The following FGD6 variants were observed in gnomAD, a reference collection of about 807,000 sequenced individuals.
FGD6 encodes FYVE, RhoGEF and PH domain containing 6, also known as FYVE, RhoGEF and PH domain-containing protein 6.
Under a neutral mutation model 149.4 loss-of-function variants are expected in FGD6, and 90 were observed. The ratio of observed to expected loss-of-function variants is 0.60; its 90% confidence interval spans 0.51 to 0.72. The LOEUF (loss-of-function observed/expected upper bound fraction) is 0.72, where lower values mean the gene tolerates loss of function less well. Among genes scored for constraint, FGD6 ranks in the 30% least tolerant of loss-of-function variants. FGD6 has a pLI of 0.00. For missense variants in FGD6, 1,437 were observed against 1,684.8 expected (o/e 0.85, Z 2.57); for synonymous variants, 527 against 584.0 (o/e 0.90, Z 1.41).
Position 95,095,510 on chromosome 12 carries a change from G to C in FGD6, c.3498-816C>G, listed in dbSNP as rs181342390. On this transcript the variant is annotated intron_variant, in intron 14 of 20. Coordinates refer to ENST00000343958, the MANE Select transcript of FGD6 (RefSeq NM_018351.4). ...ATTTAAAACTGAGAGGCACATGTTA[G>C]GTATTATAAATAAAAATAAATATAT... Among the ~76,000 whole-genome samples, 7 of 151,626 alleles carry C rather than the reference G, an allele frequency of 4.6e-5. No homozygotes were observed. In the East Asian group the frequency reaches 1.4e-3, roughly 29 times the overall value.
At chr12:95,084,463 C>G in intron 20 of FGD6, 35 bp downstream of exon 20, 1 of 1,483,808 alleles carries the variant, frequency 6.7e-7, no homozygotes, top group Non-Finnish European at 8.9e-7. Context: ...ACTGAAATCT[C>G]ATGAATAAAA....
chr12:95,089,800 A>C, intron 17 of FGD6, 104 bp from the exon 18 acceptor site: 1 of 1,425,460 alleles, frequency 7.0e-7, no homozygotes, highest in Admixed American at 2.0e-5. Context: ...ATGGAAGGAC[A>C]CTAAGAAACA....
At chr12:95,113,597 CCCTA>C (rs1878908339) in intron 9 of FGD6, 50 bp downstream of exon 9, 1 of 1,302,288 alleles carries the variant, frequency 7.7e-7, no homozygotes, top group Non-Finnish European at 1.1e-6. Flanking sequence ...TACTTTCTAG[CCCTA>C]CCTAAATAAA....
chr12:95,121,464 G>GATATATATAT (rs367593135), intron 8 of FGD6, among the ~76,000 whole-genome samples: 5 of 71,300 alleles, frequency 7.0e-5, no homozygotes, highest in African/African-American at 2.8e-4. Flanking sequence ...AAAAAAAAAA[G>GATATATATAT]ATATATATAT....
intron 8 of FGD6, among the ~76,000 whole-genome samples, chr12:95,129,035 G>A (rs1327024190): frequency 6.6e-6 from 1 of 152,106 alleles, no homozygotes; most frequent in Non-Finnish European, 1.5e-5. Flanking sequence ...TACATGGAGG[G>A]GTGATAAGAG....
chr12:95,144,988 C>CTTTTTTTT lies in FGD6; in HGVS notation c.2686-3457_2686-3450dup, dbSNP rs34338776. ...ACAGGCGTGAGCCACCGCACCCGGC[C>CTTTTTTTT]TTTTTTTTTTTTTTTTTTGCGACAG... On this transcript the variant is annotated intron_variant, in intron 5 of 20. Transcript: ENST00000343958. Among the ~76,000 whole-genome samples the CTTTTTTTT allele has an allele frequency of 4.7e-4, 46 of 98,852 alleles. 3 individuals carry two copies. Among genetic ancestry groups the CTTTTTTTT allele is most frequent in the African/African-American group, 9.9e-4 (24 of 24,280 alleles). 64.9% of individuals were successfully genotyped at this position (98,852 alleles called of 152,430 possible).
In FGD6 at chr12:95,137,642, C is replaced by A. The variant is rs759191228; in HGVS notation, c.2874G>T (p.Lys958Asn). The change falls in exon 7 of 21, where the codon AAG becomes AAT. Residue 958 changes from lysine to asparagine, a missense_variant. By Grantham distance (94) the Lys-to-Asn change is moderately conservative. Coordinates refer to ENST00000343958, the MANE Select transcript of FGD6 (RefSeq NM_018351.4). Reference sequence around the variant, plus strand: ...AATACATTTTTAGATATGGTCCCTTCTTTACAAAGATATCAGCAATTCTTT... The same window carrying A: ...AATACATTTTTAGATATGGTCCCTTATTTACAAAGATATCAGCAATTCTTT... The part of the protein sequence containing the change: ...EQQRIADIFV[K>N]KGPYLKMYST... 17 of 1,608,860 alleles carry A rather than the reference C, an allele frequency of 1.1e-5. No individual in the cohort carries two copies. The South Asian group carries it at 1.2e-4, about 12-fold the overall frequency.
At chr12:95,199,730 G>C (rs557655566) in intron 2 of FGD6, among the ~76,000 whole-genome samples, 1 of 150,238 alleles carries the variant, frequency 6.7e-6, no homozygotes, top group East Asian at 2.0e-4. Flanking sequence ...TCAGCCTCCT[G>C]AGTAGCTGGG....
At chr12:95,107,468 G>T in intron 12 of FGD6, 95 bp downstream of exon 12, 1 of 1,161,264 alleles carries the variant, frequency 8.6e-7, no homozygotes, top group Non-Finnish European at 1.3e-6. Context: ...GCTGATATTT[G>T]AAGGTGCTAA....
intron 14 of FGD6, among the ~76,000 whole-genome samples, chr12:95,098,933 G>A (rs1304088888): frequency 6.8e-6 from 1 of 148,020 alleles, no homozygotes; most frequent in African/African-American, 2.5e-5. Flanking sequence ...GTAGTGGTGC[G>A]ATCTCGGCTC....
intron 18 of FGD6, among the ~76,000 whole-genome samples, chr12:95,089,212 G>A (rs929125283): frequency 5.9e-5 from 9 of 152,296 alleles, no homozygotes; most frequent in African/African-American, 2.2e-4. Flanking sequence ...CAAATAAACC[G>A]TGCAGATCAC....
At chr12:95,183,345 C>T (rs776802186) in intron 2 of FGD6, among the ~76,000 whole-genome samples, 1 of 152,216 alleles carries the variant, frequency 6.6e-6, no homozygotes, top group Non-Finnish European at 1.5e-5. Flanking sequence ...CTCTTGTATA[C>T]AGCCTGCCTC....
At chr12:95,168,389 C>T (rs941193301) in intron 3 of FGD6, among the ~76,000 whole-genome samples, 4 of 152,172 alleles carry the variant, frequency 2.6e-5, no homozygotes, top group East Asian at 1.9e-4. Context: ...AGCAGCCAGG[C>T]GCGGTGGATC....
chr12:95,089,545 T>A (rs1449166670), intron 18 of FGD6, 24 bp downstream of exon 18: 2 of 1,611,134 alleles, frequency 1.2e-6, no homozygotes, highest in Admixed American at 3.4e-5. Context: ...TCTATCACAT[T>A]GCAAATTTAA....
chr12:95,100,112 C>G (rs1289479700), intron 14 of FGD6, among the ~76,000 whole-genome samples: 1 of 148,996 alleles, frequency 6.7e-6, no homozygotes, highest in Non-Finnish European at 1.5e-5. Context: ...ATCTGCTCAG[C>G]CTACTTTATT....
chr12:95,102,978 T>G, intron 14 of FGD6, among the ~76,000 whole-genome samples: 1 of 152,192 alleles, frequency 6.6e-6, no homozygotes, highest in Non-Finnish European at 1.5e-5. Context: ...ACATGAGCAC[T>G]GTGACTGATG....
chr12:95,121,767 T>G (rs184993643), intron 8 of FGD6, among the ~76,000 whole-genome samples: 2 of 152,158 alleles, frequency 1.3e-5, no homozygotes, highest in Non-Finnish European at 2.9e-5. Context: ...GGGATTCTCC[T>G]GCCTCAGCCT....
intron 8 of FGD6, among the ~76,000 whole-genome samples, chr12:95,118,734 T>TA (rs1879098903): frequency 6.6e-6 from 1 of 152,182 alleles, no homozygotes; most frequent in Non-Finnish European, 1.5e-5. Context: ...CCTCCATAAA[T>TA]ATGTAGTGGG....
intron 5 of FGD6, among the ~76,000 whole-genome samples, chr12:95,149,950 T>C (rs890140604): frequency 2.0e-5 from 3 of 146,510 alleles, no homozygotes; most frequent in Non-Finnish European, 4.5e-5. Context: ...ATATACTACA[T>C]ATCATACTAT....
Sources: gnomAD v4.1 joint callset for allele counts (sites outside exome capture counted in the v4.1 genomes callset) on GRCh38, gnomAD v4.1.1 for gene constraint, MANE v1.5 for transcripts, NCBI Gene and HGNC (gene_info 2026-07-23, HGNC 2026-07-21) for gene names.